Variants in NRXN1 observed in about 807,000 individuals in gnomAD.
NRXN1 encodes neurexin-1.
A neutral mutation model predicts 150.9 loss-of-function variants in NRXN1; 39 were observed. The ratio of observed to expected loss-of-function variants is 0.26; its 90% CI spans 0.20 to 0.34. The LOEUF (loss-of-function observed/expected upper bound fraction) is 0.34, where lower values mean the gene tolerates loss of function less well. NRXN1 is among the 10% of genes least tolerant of loss of function. NRXN1 has a pLI of 1.00. For synonymous variants in NRXN1, 924 were observed against 757.0 expected (o/e 1.22, Z -3.62); for missense variants, 1,815 against 1,949.9 (o/e 0.93, Z 1.30).
chr2:50,399,582 C>T lies in NRXN1; in HGVS notation c.3364+65860G>A, dbSNP rs545529505. On this transcript the variant is annotated intron_variant, in intron 17 of 22. Transcript: ENST00000401669. The stretch of plus-strand genomic sequence containing the variant: ...TCAAGGGCTCTAATTCATGGGTGCC[C>T]CTTGCCCAGGGCCCATCACTTGTGT... Among the ~76,000 whole-genome samples, 11 of 151,550 alleles carry T rather than the reference C, an allele frequency of 7.3e-5. No homozygotes were observed. In the South Asian group the frequency reaches 2.3e-3, roughly 32 times the overall value.
At chr2:50,088,455 GGGCC>G (rs1433703890) in intron 19 of NRXN1, among the ~76,000 whole-genome samples, 3 of 151,958 alleles carry the variant, frequency 2.0e-5, no homozygotes, top group Admixed American at 6.6e-5. Context: ...ATTTTCTTGA[GGGCC>G]GACTCTGTGT....
intron 17 of NRXN1, among the ~76,000 whole-genome samples, chr2:50,440,301 C>G (rs1051899672): frequency 6.6e-6 from 1 of 152,068 alleles, no homozygotes; most frequent in Admixed American, 6.6e-5. Context: ...ATTCTTAGAG[C>G]TGGACTTAAG....
intron 17 of NRXN1, among the ~76,000 whole-genome samples, chr2:50,422,095 C>T (rs1161030426): frequency 2.0e-5 from 3 of 151,984 alleles, no homozygotes; most frequent in Admixed American, 1.3e-4. Context: ...TTTAAAGGAA[C>T]GATAACAAGA....
intron 5 of NRXN1, among the ~76,000 whole-genome samples, chr2:50,761,594 G>A (rs1574386446): frequency 6.6e-6 from 1 of 151,972 alleles, no homozygotes; most frequent in East Asian, 2.0e-4. Flanking sequence ...TATGAAAACA[G>A]ACTAATCAAT....
At chr2:50,468,142 A>C (rs897074552) in intron 16 of NRXN1, among the ~76,000 whole-genome samples, 1 of 151,676 alleles carries the variant, frequency 6.6e-6, no homozygotes, top group Non-Finnish European at 1.5e-5. Flanking sequence ...ACAGCAGAAG[A>C]AAAGGTCAGA....
chr2:50,280,581 G>A (rs2139654), intron 17 of NRXN1, among the ~76,000 whole-genome samples: 127,547 of 152,074 alleles, frequency 0.84, 53,702 homozygotes, highest in African/African-American at 0.9. Context: ...CATCTGTAAA[G>A]CGGGAGTAAC....
chr2:50,603,706 C>T lies in NRXN1; in HGVS notation c.1320+16316G>A, dbSNP rs999083001. Among the ~76,000 whole-genome samples, 3 of 152,080 alleles carry T rather than the reference C, an allele frequency of 2.0e-5. No homozygotes were observed. The East Asian group carries it at 5.8e-4, about 29-fold the overall frequency. ...AAAATGTTTTCTGTGTTTGCAACCA[C>T]AGAACTTAAATATTATTGTAGAGAG... is the stretch of plus-strand genomic sequence containing the variant. On this transcript the variant is annotated intron_variant, in intron 8 of 22. Transcript: ENST00000401669.
chr2:50,071,446 T>G (rs1220553093), intron 19 of NRXN1, among the ~76,000 whole-genome samples: 2 of 152,148 alleles, frequency 1.3e-5, no homozygotes, highest in Non-Finnish European at 2.9e-5. Context: ...TGGATCCTAA[T>G]GCAATCTGAC....
At chr2:50,653,976 C>A (rs371761320) in intron 5 of NRXN1, among the ~76,000 whole-genome samples, 1 of 127,408 alleles carries the variant, frequency 7.8e-6, no homozygotes, top group African/African-American at 3.0e-5. Flanking sequence ...GCCTTTTCAT[C>A]TTTTTTTTTT....
At chr2:50,435,091 A>G (rs1486777405) in intron 17 of NRXN1, among the ~76,000 whole-genome samples, 2 of 152,246 alleles carry the variant, frequency 1.3e-5, no homozygotes, top group Non-Finnish European at 2.9e-5. Context: ...AAACAATATA[A>G]AATACAATAT....
intron 5 of NRXN1, among the ~76,000 whole-genome samples, chr2:50,678,617 C>G (rs961880786): frequency 1.3e-5 from 2 of 152,092 alleles, no homozygotes; most frequent in African/African-American, 4.8e-5. Flanking sequence ...ACTCATTAAC[C>G]CTTTACAGCC....
intron 9 of NRXN1, among the ~76,000 whole-genome samples, chr2:50,551,086 G>A (rs1034948774): frequency 0.035 from 3,850 of 109,106 alleles, 78 homozygotes; most frequent in East Asian, 0.074. Context: ...AGGAGGAGGA[G>A]GAGGAGGAGG....
intron 21 of NRXN1, among the ~76,000 whole-genome samples, chr2:50,000,011 C>T (rs1401799078): frequency 6.6e-6 from 1 of 152,168 alleles, no homozygotes; most frequent in Admixed American, 6.5e-5. Context: ...TCTCCTAATA[C>T]TCTCACATTG....
intron 2 of NRXN1, among the ~76,000 whole-genome samples, chr2:50,986,185 CAT>C (rs753779680): frequency 3.3e-5 from 5 of 151,574 alleles, no homozygotes; most frequent in Non-Finnish European, 7.4e-5. Flanking sequence ...GCAAGCAAAA[CAT>C]AGTAATATTA....
At chr2:50,566,642 A>C (rs1173198496) in intron 8 of NRXN1, among the ~76,000 whole-genome samples, 1 of 152,120 alleles carries the variant, frequency 6.6e-6, no homozygotes, top group Non-Finnish European at 1.5e-5. Flanking sequence ...ACAAACTTCT[A>C]CGTCTCATGA....
intron 9 of NRXN1, among the ~76,000 whole-genome samples, chr2:50,550,786 A>G (rs1314286066): frequency 1.3e-5 from 2 of 151,046 alleles, no homozygotes; most frequent in Non-Finnish European, 2.9e-5. Context: ...GCTTCATGCC[A>G]TTCTCCTGCC....
intron 5 of NRXN1, chr2:50,919,479 AATTT>A (rs1250784908): frequency 6.6e-6 from 1 of 151,170 alleles, no homozygotes; most frequent in Non-Finnish European, 1.5e-5. Context: ...GATGTTCTTG[AATTT>A]ATTTTTTTAT....
rs375919185 is a variant in NRXN1 at position 50,683,859 on chromosome 2, G to A, written c.833-60244C>T. Among the ~76,000 whole-genome samples the A allele has an allele frequency of 5.3e-5, 8 of 150,800 alleles. No homozygotes were observed. In the South Asian group the frequency reaches 1.5e-3, roughly 28 times the overall value. On this transcript the variant is annotated intron_variant, in intron 5 of 22. Coordinates refer to ENST00000401669, the MANE Select transcript of NRXN1 (RefSeq NM_001330078.2). ...TAGCAAGTTCAATTTAACAAGGTAC[G>A]ATGTGTGTATTATTTTCAAAATGGT...
At chr2:50,885,477 A>ATT (rs1286365647) in intron 5 of NRXN1, among the ~76,000 whole-genome samples, 7 of 151,368 alleles carry the variant, frequency 4.6e-5, no homozygotes, top group African/African-American at 1.7e-4. Flanking sequence ...TCCAACTACT[A>ATT]TTTTATACCT....
Sources: gnomAD v4.1 joint callset for allele counts (sites outside exome capture counted in the v4.1 genomes callset) on GRCh38, gnomAD v4.1.1 for gene constraint, MANE v1.5 for transcripts, NCBI Gene and HGNC (gene_info 2026-07-23, HGNC 2026-07-21) for gene names.